CELSR1: variants seen among roughly 807,000 people sequenced by gnomAD.
The protein encoded by CELSR1 is cadherin EGF LAG seven-pass G-type receptor 1, also known as adhesion G protein-coupled receptor C1.
Under a neutral mutation model 249.1 loss-of-function variants are expected in CELSR1, and 110 were observed. The ratio of observed to expected loss-of-function variants is 0.44; its 90% CI spans 0.38 to 0.52. CELSR1 has a LOEUF of 0.52. CELSR1 is among the 20% of genes least tolerant of loss of function. CELSR1 has a pLI of 0.00. For missense variants in CELSR1, 4,109 were observed against 4,296.4 expected, an observed-to-expected ratio of 0.96 and a Z score of 1.22; for synonymous variants, 2,113 against 1,900.0, an observed-to-expected ratio of 1.11 and a Z score of -2.92.
Position 46,367,078 on chromosome 22 carries a change from T to C in CELSR1, c.8120A>G (p.Glu2707Gly), listed in dbSNP as rs2078793196. The change falls in exon 29 of 35, where the codon GAG becomes GGG. Residue 2707 changes from glutamate (E) to glycine (G), a missense_variant. Physicochemically the swap from Glu to Gly is moderately conservative, Grantham distance 98 (BLOSUM62 -2). This residue lies in a region of CELSR1 where 1,805 missense variants were observed against 1,831.6 expected (regional missense o/e 0.99). Transcript: ENST00000674500. The stretch of plus-strand genomic sequence containing the variant: ...CACGCCCTTCAGGTGCTTCCGGACC[T>C]CCTGGTTGAGCACGCAGTGGAAAAG... ...VLLFHCVLNQ[E>G]VRKHLKGVLG... is the part of the protein sequence containing the mutation. The C allele has an allele frequency of 1.2e-6, 2 of 1,611,528 alleles. No homozygotes were observed. Among genetic ancestry groups the C allele is most frequent in the Non-Finnish European group, 1.7e-6 (2 of 1,179,722 alleles).
rs764672943 is a variant in CELSR1 at position 46,534,447 on chromosome 22, C to T, written c.2724G>A (p.Ser908=). ...TGGCAGAGACCTGGAGGATGCTGGT[C>T]GAGGGTGGAGCATCCTCAAAGATGG... ...QGSIFEDAPP[S]TSILQVSATD... The change falls in exon 1 of 35, where the codon TCG becomes TCA. Residue 908 remains serine (S), a synonymous_variant. Transcript: ENST00000674500. The surrounding 1 kb of genome is among the most constrained non-coding windows in gnomAD (Gnocchi z 9.7). 8.1e-6 allele frequency: 13 copies of T among 1,612,816 alleles called. No homozygotes were observed. Among genetic ancestry groups the T allele is most frequent in the African/African-American group, 1.3e-5 (1 of 74,904 alleles).
intron 1 of CELSR1, among the ~76,000 whole-genome samples, chr22:46,511,697 C>T (rs2080575523): frequency 6.6e-6 from 1 of 152,144 alleles, no homozygotes; most frequent in South Asian, 2.1e-4. Context: ...CACGGGACAC[C>T]CCAGGGGGTG....
Position 46,537,220 on chromosome 22 carries a change from C to T in CELSR1, c.-50G>A, listed in dbSNP as rs1488982699. The T allele has an allele frequency of 3.9e-6, 4 of 1,016,504 alleles. No homozygotes were observed. The highest frequency in any genetic ancestry group is 4.5e-5 in the South Asian group (1 of 22,356). 63.0% of individuals were successfully genotyped at this position (1,016,504 alleles called of 1,614,324 possible). ...GGCGCCCGAACACAATCCATGCACCCGGCGCGCCTCCGCATCCACCCGGCG... is the reference window on the plus strand; with the variant it reads ...GGCGCCCGAACACAATCCATGCACCTGGCGCGCCTCCGCATCCACCCGGCG... On this transcript the variant is annotated 5_prime_UTR_variant, in exon 1 of 35. Coordinates refer to ENST00000674500, the MANE Select transcript of CELSR1 (RefSeq NM_001378328.1). This position sits in a 1 kb window ranked among gnomAD's most constrained non-coding sequence, Gnocchi z 5.8.
In CELSR1 at chr22:46,417,621, C is replaced by A. The variant is rs530057747; in HGVS notation, c.4612-5862G>T. Among the ~76,000 whole-genome samples the A allele has an allele frequency of 2.6e-5, 4 of 152,362 alleles. No individual in the cohort carries two copies. In the South Asian group the frequency reaches 8.3e-4, roughly 32 times the overall value. On this transcript the variant is annotated intron_variant, in intron 5 of 34. Coordinates refer to ENST00000674500, the MANE Select transcript of CELSR1 (RefSeq NM_001378328.1). The surrounding 1 kb of genome is among the most constrained non-coding windows in gnomAD (Gnocchi z 4.1). ...ACTATCCCAGGTTGTAAGGGGAACT[C>A]AAGTTCCTCTGCCCAACTCTGGCTG...
intron 28 of CELSR1, 72 bp from the exon 29 acceptor site, chr22:46,367,190 A>C: frequency 6.5e-7 from 1 of 1,547,122 alleles, no homozygotes. Context: ...GCCCCAGCAC[A>C]GATGCGCATA....
chr22:46,371,970 T>A (rs111213400), intron 25 of CELSR1, among the ~76,000 whole-genome samples: 2,678 of 130,624 alleles, frequency 0.021, 70 homozygotes, highest in African/African-American at 0.071. Context: ...ATCCATCCAC[T>A]CAACTCACTC....
rs2080159386 is a variant in CELSR1 at position 46,471,905 on chromosome 22, GTGAT to G, written c.3545-7564_3545-7561del. ...AGGGGCTGCGGTCTGTGGCCTTCAGGTGATGACGACTTTCTGCCTCACGCTGTCC... is the reference window on the plus strand; with the variant it reads ...AGGGGCTGCGGTCTGTGGCCTTCAGGGACGACTTTCTGCCTCACGCTGTCC... On this transcript the variant is annotated intron_variant, in intron 1 of 34. Transcript: ENST00000674500. The surrounding 1 kb of genome is among the most constrained non-coding windows in gnomAD (Gnocchi z 4.9). Among the ~76,000 whole-genome samples the G allele has an allele frequency of 6.6e-6, 1 of 152,120 alleles. No homozygotes were observed. Among genetic ancestry groups the G allele is most frequent in the Non-Finnish European group, 1.5e-5 (1 of 68,036 alleles).
intron 1 of CELSR1, among the ~76,000 whole-genome samples, chr22:46,479,095 G>A (rs900516537): frequency 6.6e-6 from 1 of 151,740 alleles, no homozygotes; most frequent in African/African-American, 2.4e-5. Context: ...CCCTCTGCGT[G>A]CCCCTGTGCC....
At position 46,536,062 on chromosome 22, in the gene CELSR1, T is replaced by A. The variant is rs780817483; in HGVS notation, c.1109A>T (p.Tyr370Phe). 1.4e-5 allele frequency: 22 copies of A among 1,611,126 alleles called. No individual in the cohort carries two copies. Among genetic ancestry groups the A allele is most frequent in the Non-Finnish European group, 1.9e-5 (22 of 1,179,926 alleles). The change falls in exon 1 of 35, where the codon TAC becomes TTC. Residue 370 changes from tyrosine (Y) to phenylalanine (F), a missense_variant. Tyr to Phe is a conservative substitution (Grantham distance 22). Coordinates refer to ENST00000674500, the MANE Select transcript of CELSR1 (RefSeq NM_001378328.1). The part of the protein sequence containing the change: ...ERVRENLEVG[Y>F]EVLTIRASDR... ...GCTGGCGCGGATGGTCAGCACCTCG[T>A]AGCCCACCTCCAGGTTCTCCCGCAC...
chr22:46,527,317 C>T lies in CELSR1; in HGVS notation c.3544+6310G>A, dbSNP rs2080748007. On this transcript the variant is annotated intron_variant, in intron 1 of 34. Coordinates refer to ENST00000674500, the MANE Select transcript of CELSR1 (RefSeq NM_001378328.1). This position sits in a 1 kb window ranked among gnomAD's most constrained non-coding sequence, Gnocchi z 5.5. ...GTCCCCAGCTTCCCTCCCCTCCACTCTCACCGCCCAGCAGCTGGGACATGG... is the reference window on the plus strand; with the variant it reads ...GTCCCCAGCTTCCCTCCCCTCCACTTTCACCGCCCAGCAGCTGGGACATGG... Among the ~76,000 whole-genome samples, 1 of 152,196 alleles carries T rather than the reference C, an allele frequency of 6.6e-6. No individual in the cohort carries two copies. The highest frequency in any genetic ancestry group is 2.1e-4 in the South Asian group (1 of 4,830).
intron 9 of CELSR1, among the ~76,000 whole-genome samples, chr22:46,403,971 C>CAAAAAAAAAAAAAAAAA (rs756055741): frequency 2.1e-5 from 1 of 48,426 alleles, no homozygotes; most frequent in African/African-American, 6.5e-5. Flanking sequence ...AACTCCGTCT[C>CAAAAAAAAAAAAAAAAA]AAAAAAAAAA....
chr22:46,398,376 G>A lies in CELSR1; in HGVS notation c.5526+148C>T, dbSNP rs1250537917. 4 of 605,880 alleles carry A rather than the reference G, an allele frequency of 6.6e-6. No individual in the cohort carries two copies. The Admixed American group carries it at 9.5e-5, about 14-fold the overall frequency. The allele number at this position is 605,880 out of a possible 1,614,324, so 37.5% of individuals were successfully genotyped here. ...GAGAATGGGTCTGAAGAGGAAACAG[G>A]AGCTGTTAAAGTGGGGATGCCTGTC... On this transcript the variant is annotated intron_variant, in intron 11 of 34. Coordinates refer to ENST00000674500, the MANE Select transcript of CELSR1 (RefSeq NM_001378328.1). The surrounding 1 kb of genome is among the most constrained non-coding windows in gnomAD (Gnocchi z 7.2).
At chr22:46,375,225 C>G (rs768758287) in intron 24 of CELSR1, among the ~76,000 whole-genome samples, 2 of 152,158 alleles carry the variant, frequency 1.3e-5, no homozygotes, top group Non-Finnish European at 2.9e-5. Flanking sequence ...CCACAGACAC[C>G]GTCTCCACCC....
chr22:46,366,501 G>A, intron 29 of CELSR1, 21 bp from the exon 30 acceptor site: 1 of 1,537,620 alleles, frequency 6.5e-7, no homozygotes, highest in Non-Finnish European at 8.8e-7. Flanking sequence ...GGGAGGGGCT[G>A]GTCACTGCCA....
rs1013338855 is a variant in CELSR1 at position 46,377,063 on chromosome 22, G to T, written c.7582C>A (p.Pro2528Thr). The change falls in exon 24 of 35, where the codon CCG becomes ACG. Residue 2528 changes from proline (P) to threonine (T), a missense_variant and splice_region_variant. Pro to Thr is a conservative substitution (Grantham distance 38). This residue lies in a region of CELSR1 where 1,805 missense variants were observed against 1,831.6 expected (regional missense o/e 0.99). Coordinates refer to ENST00000674500, the MANE Select transcript of CELSR1 (RefSeq NM_001378328.1). ...GGAGGGGAGCAGAGTGGCCATACCGGGTTTTCCGTCTGGTTGATCCCAATC... is the reference window on the plus strand; with the variant it reads ...GGAGGGGAGCAGAGTGGCCATACCGTGTTTTCCGTCTGGTTGATCCCAATC... The part of the protein sequence containing the change: ...FVIGINQTEN[P>T]FLCTVVAILL... 29 of 1,612,932 alleles carry T rather than the reference G, an allele frequency of 1.8e-5. No homozygotes were observed. The highest frequency in any genetic ancestry group is 2.4e-5 in the Non-Finnish European group (28 of 1,179,838).
chr22:46,410,466 C>T lies in CELSR1; in HGVS notation c.4865G>A (p.Arg1622Gln), dbSNP rs778225652. Residue 1622 changes from arginine (R) to glutamine (Q), a missense_variant, in exon 7 of 35, where the codon CGG (arginine) becomes CAG (glutamine). Transcript: ENST00000674500. The surrounding 1 kb of genome is among the most constrained non-coding windows in gnomAD (Gnocchi z 6.8). ...VHNRQFVGCM[R>Q]NLSVDGKNVD... The stretch of plus-strand genomic sequence containing the variant: ...ATTTTTGCCGTCGACTGACAGGTTC[C>T]GCATGCAGCCCACGAACTGCCGGTT... 1.7e-5 allele frequency: 28 copies of T among 1,613,920 alleles called. No individual in the cohort carries two copies. Among genetic ancestry groups the T allele is most frequent in the Middle Eastern group, 1.6e-4 (1 of 6,084 alleles).
chr22:46,425,127 C>T lies in CELSR1; in HGVS notation c.4611+8266G>A, dbSNP rs543966197. Among the ~76,000 whole-genome samples the T allele has an allele frequency of 2.0e-5, 3 of 152,328 alleles. No individual in the cohort carries two copies. In the South Asian group the frequency reaches 6.2e-4, roughly 32 times the overall value. On this transcript the variant is annotated intron_variant, in intron 5 of 34. Coordinates refer to ENST00000674500, the MANE Select transcript of CELSR1 (RefSeq NM_001378328.1). ...GTACGGACATACCAGTTTGTTTAACCATTCACCCAGTGACGGCCATCTGGG... is the reference window on the plus strand; with the variant it reads ...GTACGGACATACCAGTTTGTTTAACTATTCACCCAGTGACGGCCATCTGGG...
intron 25 of CELSR1, among the ~76,000 whole-genome samples, chr22:46,371,483 C>A (rs1001755012): frequency 1.3e-5 from 2 of 152,240 alleles, no homozygotes; most frequent in East Asian, 3.9e-4. Flanking sequence ...TGATTTTAAG[C>A]AAAATGTGTG....
rs761387574 is a variant in CELSR1 at position 46,409,127 on chromosome 22, C to T, written c.5095G>A (p.Val1699Ile). 9 of 1,613,332 alleles carry T rather than the reference C, an allele frequency of 5.6e-6. No individual in the cohort carries two copies. The highest frequency in any genetic ancestry group is 5.0e-5 in the Admixed American group (3 of 59,960). ...PHPQLFSGESVVSWSDLNIII... is the reference protein window; with the variant it reads ...PHPQLFSGESIVSWSDLNIII... Reference sequence around the variant, plus strand: ...ATGTTCAGGTCACTCCAGGACACGACGCTCTCACCGCTGAAGAGCTGGGGG... The same window carrying T: ...ATGTTCAGGTCACTCCAGGACACGATGCTCTCACCGCTGAAGAGCTGGGGG... The change falls in exon 9 of 35, where the codon GTC becomes ATC. Residue 1699 changes from valine to isoleucine, a missense_variant. Coordinates refer to ENST00000674500, the MANE Select transcript of CELSR1 (RefSeq NM_001378328.1). This position sits in a 1 kb window ranked among gnomAD's most constrained non-coding sequence, Gnocchi z 9.8.
Sources: allele counts gnomAD v4.1 joint callset (sites outside exome capture counted in the v4.1 genomes callset), GRCh38; gene constraint gnomAD v4.1.1; regional missense constraint gnomAD v4.1.1; non-coding constraint Gnocchi (gnomAD v3.1); transcripts MANE v1.5; gene names NCBI Gene and HGNC (gene_info 2026-07-23, HGNC 2026-07-21).